The following STAU2 variants were observed in gnomAD, a reference collection of about 807,000 sequenced individuals.
The protein encoded by STAU2 is double-stranded RNA-binding protein Staufen homolog 2.
STAU2 carries 20 observed loss-of-function variants against 65.9 expected under a neutral mutation model. That is an observed-to-expected ratio of 0.30 (90% CI 0.21 to 0.44). The LOEUF (loss-of-function observed/expected upper bound fraction) is 0.44. Among genes scored for constraint, STAU2 ranks in the 20% least tolerant of loss-of-function variants. The probability of loss-of-function intolerance (pLI) is 1.00; values close to 1 mark genes in which losing one functional copy is unlikely to be tolerated. For missense variants in STAU2, 558 were observed against 683.9 expected (o/e 0.82, Z 2.05); for synonymous variants, 232 against 233.9 (o/e 0.99, Z 0.07).
intron 13 of STAU2, among the ~76,000 whole-genome samples, chr8:73,426,126 C>T (rs2128879749): frequency 6.6e-6 from 1 of 152,080 alleles, no homozygotes; most frequent in Admixed American, 6.5e-5. Context: ...CCCATGTCTA[C>T]AAACTGTAGC....
intron 4 of STAU2, among the ~76,000 whole-genome samples, chr8:73,699,954 T>C (rs1209549098): frequency 4.1e-5 from 6 of 145,102 alleles, no homozygotes; most frequent in African/African-American, 1.0e-4. Context: ...AATCCAACAA[T>C]ACATTTAAAA....
intron 6 of STAU2, among the ~76,000 whole-genome samples, chr8:73,633,897 G>A (rs1814293270): frequency 6.6e-6 from 1 of 151,936 alleles, no homozygotes; most frequent in African/African-American, 2.4e-5. Context: ...AGAACTGCTT[G>A]ATCCCAAGAG....
Position 73,613,788 on chromosome 8 carries a change from T to C in STAU2, c.847A>G (p.Lys283Glu), listed in dbSNP as rs768261253. 7 of 1,613,156 alleles carry C rather than the reference T, an allele frequency of 4.3e-6. No individual in the cohort carries two copies. The African/African-American group carries it at 9.3e-5, about 22-fold the overall frequency. ...KKLPPLPVVEKPKLFFKKRPK... is the reference protein window; with the variant it reads ...KKLPPLPVVEEPKLFFKKRPK... ...CGTTTTTTAAAAAATAGTTTTGGCTTTTCCACCACAGGAAGAGGTGGAAGT... is the reference window on the plus strand; with the variant it reads ...CGTTTTTTAAAAAATAGTTTTGGCTCTTCCACCACAGGAAGAGGTGGAAGT... The change falls in exon 9 of 15, where the codon AAG becomes GAG. Residue 283 changes from lysine (K) to glutamate (E), a missense_variant. Around this residue, in one of 3 missense-constraint regions of STAU2, gnomAD observed 199 missense variants for 299.5 expected, o/e 0.66. Coordinates refer to ENST00000524300, the MANE Select transcript of STAU2 (RefSeq NM_001164380.2).
chr8:73,746,435 C>G (rs575818516), intron 1 of STAU2, among the ~76,000 whole-genome samples: 1 of 151,922 alleles, frequency 6.6e-6, no homozygotes, highest in Non-Finnish European at 1.5e-5. Flanking sequence ...CAGCCGCGTT[C>G]CTGTCTCCCC....
chr8:73,577,051 A>G (rs1412377331), intron 12 of STAU2, among the ~76,000 whole-genome samples: 3 of 152,224 alleles, frequency 2.0e-5, no homozygotes, highest in African/African-American at 7.2e-5. Flanking sequence ...CAGACTCTAG[A>G]AAACTGTTTC....
intron 4 of STAU2, among the ~76,000 whole-genome samples, chr8:73,704,172 A>G (rs1820327372): frequency 6.6e-6 from 1 of 152,208 alleles, no homozygotes; most frequent in Non-Finnish European, 1.5e-5. Context: ...AAATCCCCTC[A>G]TATAACAATC....
intron 5 of STAU2, among the ~76,000 whole-genome samples, chr8:73,686,954 G>A (rs1461902438): frequency 2.7e-5 from 4 of 147,954 alleles, no homozygotes; most frequent in South Asian, 2.1e-4. Flanking sequence ...GTGTAGTGGC[G>A]TGATCTCGGC....
intron 5 of STAU2, among the ~76,000 whole-genome samples, chr8:73,680,537 T>C (rs1176868716): frequency 6.6e-6 from 1 of 151,946 alleles, no homozygotes; most frequent in Non-Finnish European, 1.5e-5. Context: ...ACAATTCTGG[T>C]AATATGACAA....
chr8:73,534,835 T>C (rs1806076795), intron 13 of STAU2, among the ~76,000 whole-genome samples: 1 of 152,210 alleles, frequency 6.6e-6, no homozygotes, highest in Non-Finnish European at 1.5e-5. Flanking sequence ...TGATGCATAA[T>C]GTTTCACTCT....
chr8:73,486,544 C>T (rs1349719171), intron 13 of STAU2, among the ~76,000 whole-genome samples: 1 of 151,028 alleles, frequency 6.6e-6, no homozygotes, highest in Non-Finnish European at 1.5e-5. Flanking sequence ...AAAAGTAGAA[C>T]AGCTACTCTA....
chr8:73,636,989 A>G (rs1201928756), intron 6 of STAU2, among the ~76,000 whole-genome samples: 1 of 99,736 alleles, frequency 1.0e-5, no homozygotes, highest in African/African-American at 4.1e-5. Flanking sequence ...AAAGTAGCCA[A>G]ACAAATTCTA....
At chr8:73,648,835 C>T (rs1294075630) in intron 6 of STAU2, among the ~76,000 whole-genome samples, 2 of 152,160 alleles carry the variant, frequency 1.3e-5, no homozygotes, top group African/African-American at 4.8e-5. Context: ...GAGACACAGT[C>T]TCTCTCTGTT....
chr8:73,668,153 A>C (rs79784866), intron 6 of STAU2, among the ~76,000 whole-genome samples: 4 of 152,202 alleles, frequency 2.6e-5, no homozygotes, highest in Admixed American at 6.5e-5. Context: ...CAAAAAAAAA[A>C]CTTCACCTTC....
At chr8:73,724,292 G>A (rs1325000375) in intron 3 of STAU2, among the ~76,000 whole-genome samples, 1 of 152,102 alleles carries the variant, frequency 6.6e-6, no homozygotes, top group South Asian at 2.1e-4. Context: ...CACGATCCTT[G>A]TTACACCACA....
Position 73,612,709 on chromosome 8 carries a change from T to C in STAU2, c.891+1035A>G, listed in dbSNP as rs574504759. On this transcript the variant is annotated intron_variant, in intron 9 of 14. Coordinates refer to ENST00000524300, the MANE Select transcript of STAU2 (RefSeq NM_001164380.2). ...TATTTTAAATAAAGGTACAAAGGTA[T>C]AAAACCTGTAAAAATACCTAAATTG... Among the ~76,000 whole-genome samples, 481 of 152,322 alleles carry C rather than the reference T, an allele frequency of 3.2e-3. 1 individual carries two copies. The highest frequency in any genetic ancestry group is 5.0e-3 in the Admixed American group (77 of 15,290).
chr8:73,484,640 G>C (rs916914029), intron 13 of STAU2, among the ~76,000 whole-genome samples: 2 of 152,078 alleles, frequency 1.3e-5, no homozygotes, highest in African/African-American at 4.8e-5. Flanking sequence ...GTGGATATCA[G>C]CCTTGCTTAC....
intron 11 of STAU2, among the ~76,000 whole-genome samples, chr8:73,584,652 C>T (rs1810236130): frequency 6.6e-6 from 1 of 151,880 alleles, no homozygotes; most frequent in Admixed American, 6.6e-5. Context: ...AAAAAAGAAG[C>T]TAAAGAAAGG....
intron 13 of STAU2, among the ~76,000 whole-genome samples, chr8:73,505,180 G>C (rs1266851042): frequency 6.6e-6 from 1 of 152,150 alleles, no homozygotes; most frequent in East Asian, 1.9e-4. Flanking sequence ...TTTTGAGCCA[G>C]TGTGGCAGGC....
chr8:73,506,157 C>T (rs570038169), intron 13 of STAU2, among the ~76,000 whole-genome samples: 56 of 152,166 alleles, frequency 3.7e-4, no homozygotes, highest in Non-Finnish European at 6.9e-4. Flanking sequence ...CACGAATGGG[C>T]TAACACGTGT....
Sources: allele counts gnomAD v4.1 joint callset (sites outside exome capture counted in the v4.1 genomes callset), GRCh38; gene constraint gnomAD v4.1.1; regional missense constraint gnomAD v4.1.1; transcripts MANE v1.5; gene names NCBI Gene and HGNC (gene_info 2026-07-23, HGNC 2026-07-21).